The following LRRTM4 variants were observed in gnomAD, a reference collection of about 807,000 sequenced individuals.
LRRTM4 encodes the protein leucine rich repeat transmembrane neuronal 4.
In LRRTM4, 25 loss-of-function variants were observed where a neutral mutation model predicts 47.6. The observed-to-expected ratio is 0.53, with a 90% CI of 0.38 to 0.73. LRRTM4 has a LOEUF of 0.73. LRRTM4 is among the 30% of genes least tolerant of loss of function. LRRTM4 has a pLI of 0.00. For missense variants in LRRTM4, 638 were observed against 713.4 expected (o/e 0.89, Z 1.20); for synonymous variants, 311 against 269.5 (o/e 1.15, Z -1.51).
chr2:76,937,348 T>A (rs1029524181), intron 3 of LRRTM4, among the ~76,000 whole-genome samples: 4 of 152,044 alleles, frequency 2.6e-5, no homozygotes, highest in African/African-American at 9.7e-5. Flanking sequence ...TTCTAGGAAG[T>A]TCTACTGGAA....
At chr2:76,869,221 A>C (rs1392506655) in intron 3 of LRRTM4, among the ~76,000 whole-genome samples, 1 of 152,000 alleles carries the variant, frequency 6.6e-6, no homozygotes, top group East Asian at 1.9e-4. Context: ...AGACAGGAGA[A>C]TCGCTTGAAC....
At chr2:77,289,738 CAATTT>C (rs1157062934) in intron 3 of LRRTM4, among the ~76,000 whole-genome samples, 2 of 151,918 alleles carry the variant, frequency 1.3e-5, no homozygotes, top group African/African-American at 4.8e-5. Flanking sequence ...AGATTTTTGC[CAATTT>C]AATTGTTTGA....
At chr2:76,781,166 CA>C (rs1160503057) in intron 3 of LRRTM4, among the ~76,000 whole-genome samples, 2 of 152,266 alleles carry the variant, frequency 1.3e-5, no homozygotes, top group Non-Finnish European at 2.9e-5. Flanking sequence ...AGCTGTCAGA[CA>C]GGGACATTTA....
chr2:76,779,118 C>G (rs904224218), intron 3 of LRRTM4, among the ~76,000 whole-genome samples: 1 of 150,898 alleles, frequency 6.6e-6, no homozygotes, highest in South Asian at 2.1e-4. Flanking sequence ...GCACTGTGGT[C>G]TGAGAGATAG....
At chr2:77,406,997 T>G (rs928188905) in intron 3 of LRRTM4, among the ~76,000 whole-genome samples, 2 of 152,160 alleles carry the variant, frequency 1.3e-5, no homozygotes, top group Non-Finnish European at 2.9e-5. Flanking sequence ...AGTTAACTAC[T>G]GTAAAGTTGG....
intron 3 of LRRTM4, among the ~76,000 whole-genome samples, chr2:77,170,991 CTTTA>C (rs1673033650): frequency 6.6e-6 from 1 of 150,490 alleles, no homozygotes; most frequent in South Asian, 2.1e-4. Flanking sequence ...TATATATTAG[CTTTA>C]TATATGTATA....
rs181040636 is a variant in LRRTM4 at position 77,167,605 on chromosome 2, C to T, written c.1551+350713G>A. Among the ~76,000 whole-genome samples, 888 of 152,148 alleles carry T rather than the reference C, an allele frequency of 5.8e-3. 5 individuals carry two copies. Among genetic ancestry groups the T allele is most frequent in the African/African-American group, 0.02 (813 of 41,518 alleles). On this transcript the variant is annotated intron_variant, in intron 3 of 3. Transcript: ENST00000409884. ...AAGAAAATGTGGCATATATACACCA[C>T]GGAATACTATGCAGCCATAAAAAAT... is the stretch of plus-strand genomic sequence containing the variant.
chr2:77,223,272 G>A (rs962690644), intron 3 of LRRTM4, among the ~76,000 whole-genome samples: 1 of 152,124 alleles, frequency 6.6e-6, no homozygotes, highest in Non-Finnish European at 1.5e-5. Flanking sequence ...CACAAAAACT[G>A]GAAGCATTCC....
At chr2:77,234,828 T>C (rs1317916629) in intron 3 of LRRTM4, among the ~76,000 whole-genome samples, 1 of 152,062 alleles carries the variant, frequency 6.6e-6, no homozygotes, top group African/African-American at 2.4e-5. Context: ...GATTCTGAGG[T>C]TTGGGTTATG....
chr2:76,830,091 G>C (rs1236931709), intron 3 of LRRTM4, among the ~76,000 whole-genome samples: 1 of 151,116 alleles, frequency 6.6e-6, no homozygotes, highest in African/African-American at 2.4e-5. Flanking sequence ...TTCCCCAACA[G>C]AAAAAAAACA....
intron 3 of LRRTM4, among the ~76,000 whole-genome samples, chr2:76,906,967 G>GA (rs1390327473): frequency 3.9e-5 from 6 of 152,012 alleles, no homozygotes; most frequent in African/African-American, 1.2e-4. Flanking sequence ...GGATACCCAG[G>GA]AATTGAACTC....
At chr2:77,423,718 C>A (rs1674993547) in intron 3 of LRRTM4, among the ~76,000 whole-genome samples, 1 of 152,134 alleles carries the variant, frequency 6.6e-6, no homozygotes, top group Non-Finnish European at 1.5e-5. Flanking sequence ...TCCAACTTCT[C>A]AACAGTCAGA....
intron 3 of LRRTM4, among the ~76,000 whole-genome samples, chr2:77,458,304 A>G (rs1037248272): frequency 6.6e-6 from 1 of 152,154 alleles, no homozygotes; most frequent in African/African-American, 2.4e-5. Context: ...CTATAGCCAG[A>G]AAGGGCAGAG....
At chr2:77,058,831 A>G (rs569529925) in intron 3 of LRRTM4, among the ~76,000 whole-genome samples, 11 of 152,302 alleles carry the variant, frequency 7.2e-5, no homozygotes, top group African/African-American at 2.4e-4. Flanking sequence ...TATATTACTT[A>G]TATCAATCTA....
At chr2:77,006,671 G>A (rs562355526) in intron 3 of LRRTM4, among the ~76,000 whole-genome samples, 1 of 152,262 alleles carries the variant, frequency 6.6e-6, no homozygotes, top group South Asian at 2.1e-4. Flanking sequence ...GACTTCTGGG[G>A]ATCATGGAAT....
At chr2:76,914,768 C>T (rs1423627964) in intron 3 of LRRTM4, among the ~76,000 whole-genome samples, 1 of 152,016 alleles carries the variant, frequency 6.6e-6, no homozygotes, top group Admixed American at 6.6e-5. Context: ...GATCACAAGT[C>T]TTAGATTAAT....
intron 3 of LRRTM4, among the ~76,000 whole-genome samples, chr2:77,058,233 A>G (rs536200513): frequency 6.6e-6 from 1 of 152,094 alleles, no homozygotes; most frequent in Non-Finnish European, 1.5e-5. Context: ...GTCCTTAGTT[A>G]GTGGGTATTT....
intron 3 of LRRTM4, among the ~76,000 whole-genome samples, chr2:76,922,849 G>A (rs1022127655): frequency 6.6e-6 from 1 of 152,088 alleles, no homozygotes; most frequent in Admixed American, 6.6e-5. Context: ...GGAAAACAAA[G>A]CAGAGACAAG....
At chr2:77,262,077 G>T (rs558485575) in intron 3 of LRRTM4, among the ~76,000 whole-genome samples, 63 of 152,116 alleles carry the variant, frequency 4.1e-4, no homozygotes, top group African/African-American at 1.2e-3. Context: ...AAGGATCTAG[G>T]TTGCACACTC....
Sources: gnomAD v4.1 joint callset for allele counts (sites outside exome capture counted in the v4.1 genomes callset) on GRCh38, gnomAD v4.1.1 for gene constraint, MANE v1.5 for transcripts, NCBI Gene and HGNC (gene_info 2026-07-23, HGNC 2026-07-21) for gene names.